The following ADGRB1 variants were observed in gnomAD, a reference collection of about 807,000 sequenced individuals.
The protein encoded by ADGRB1 is adhesion G protein-coupled receptor B1.
Under a neutral mutation model 175.7 loss-of-function variants are expected in ADGRB1, and 36 were observed. That is an observed-to-expected ratio of 0.20 (90% CI 0.16 to 0.27). ADGRB1 has a LOEUF of 0.27. Among genes scored for constraint, ADGRB1 ranks in the 10% least tolerant of loss-of-function variants. The pLI, the probability that ADGRB1 is intolerant of heterozygous loss-of-function variation, is 1.00. For synonymous variants in ADGRB1, 1,054 were observed against 979.4 expected (o/e 1.08, Z -1.42); for missense variants, 1,731 against 2,255.3 (o/e 0.77, Z 4.71).
rs945983096 is a variant in ADGRB1, at chr8:142,504,367, G to A, written c.2676-6565G>A. Among the ~76,000 whole-genome samples the A allele has an allele frequency of 6.6e-5, 10 of 152,188 alleles. No homozygotes were observed. Among genetic ancestry groups the A allele is most frequent in the African/African-American group, 2.2e-4 (9 of 41,446 alleles). On this transcript the variant is annotated intron_variant, in intron 17 of 30. Coordinates refer to ENST00000517894, the MANE Select transcript of ADGRB1 (RefSeq NM_001702.3). This position sits in a 1 kb window ranked among gnomAD's most constrained non-coding sequence, Gnocchi z 5.6. ...CCAGGGCCTGGAGGCAGCAGAGGGCGTGTGTTTGCTGGGTTACCTGCTGGG... is the reference window on the plus strand; with the variant it reads ...CCAGGGCCTGGAGGCAGCAGAGGGCATGTGTTTGCTGGGTTACCTGCTGGG...
chr8:142,452,884 G>A (rs954059997), intron 1 of ADGRB1, among the ~76,000 whole-genome samples: 1 of 149,524 alleles, frequency 6.7e-6, no homozygotes, highest in Non-Finnish European at 1.5e-5. Context: ...GGCGGAAGGC[G>A]GAGGGCCGGC....
chr8:142,503,127 A>G (rs1295697140), intron 17 of ADGRB1, among the ~76,000 whole-genome samples: 3 of 151,904 alleles, frequency 2.0e-5, no homozygotes, highest in African/African-American at 7.3e-5. Flanking sequence ...CCCAGCTCTT[A>G]GGTGAATTTG....
At chr8:142,489,607 G>A (rs182718698) in intron 16 of ADGRB1, among the ~76,000 whole-genome samples, 169 bp downstream of exon 16, 70 of 152,258 alleles carry the variant, frequency 4.6e-4, no homozygotes, top group African/African-American at 1.5e-3. Context: ...AGAGAGGTGC[G>A]GTGACTTGCC....
intron 9 of ADGRB1, among the ~76,000 whole-genome samples, chr8:142,480,623 G>A (rs1324838055): frequency 2.0e-5 from 3 of 152,200 alleles, no homozygotes; most frequent in Non-Finnish European, 4.4e-5. Flanking sequence ...TCCCAGTGCC[G>A]CTCATTTTTG....
chr8:142,519,974 GT>G (rs960306176), intron 19 of ADGRB1, among the ~76,000 whole-genome samples: 2 of 151,080 alleles, frequency 1.3e-5, no homozygotes, highest in African/African-American at 4.9e-5. Flanking sequence ...GGTAGTGGTT[GT>G]GATGGTATTG....
In ADGRB1 at chr8:142,469,588, A is replaced by C. The variant is rs35309147; in HGVS notation, c.784+4606A>C. ...ATGTGTGTGCATGTGTGCATGTGTG[A>C]ATGTGTGTGTGCACGTGCATGTGTG... On this transcript the variant is annotated intron_variant, in intron 2 of 30. Transcript: ENST00000517894. 4.5e-4 allele frequency among the ~76,000 whole-genome samples: 47 copies of C among 105,442 alleles called. 1 individual carries two copies. In the South Asian group the frequency reaches 7.0e-3, roughly 16 times the overall value. 69.2% of individuals were successfully genotyped at this position (105,442 alleles called of 152,430 possible).
intron 2 of ADGRB1, among the ~76,000 whole-genome samples, chr8:142,469,679 A>G (rs1840537024): frequency 7.2e-6 from 1 of 139,688 alleles, no homozygotes; most frequent in South Asian, 2.4e-4. Flanking sequence ...GTGCACGTGA[A>G]TGTGTGTGAA....
intron 1 of ADGRB1, among the ~76,000 whole-genome samples, chr8:142,452,019 G>T (rs549720749): frequency 6.6e-6 from 1 of 152,270 alleles, no homozygotes; most frequent in South Asian, 2.1e-4. Flanking sequence ...GCACAGTCGG[G>T]GCCTTGGAAG....
At position 142,542,164 on chromosome 8, in the gene ADGRB1, G is replaced by A; in HGVS notation, c.3930G>A (p.Lys1310=). 1 of 1,613,586 alleles carries A rather than the reference G, an allele frequency of 6.2e-7. No homozygotes were observed. Among genetic ancestry groups the A allele is most frequent in the South Asian group, 1.1e-5 (1 of 91,072 alleles). Residue 1310 remains lysine (K), a synonymous_variant, in exon 28 of 31, where the codon AAG becomes AAA. Coordinates refer to ENST00000517894, the MANE Select transcript of ADGRB1 (RefSeq NM_001702.3). The surrounding 1 kb of genome is among the most constrained non-coding windows in gnomAD (Gnocchi z 6.3). ...PDFPNHSLTL[K]RDKAPKSSFV... is the part of the protein sequence containing the mutation. ...TCCCCAACCACTCACTGACCCTCAA[G>A]AGGGACAAGGCGCCCAAGTCCTCCT...
At chr8:142,535,263 C>T (rs1844859686) in intron 25 of ADGRB1, among the ~76,000 whole-genome samples, 1 of 152,160 alleles carries the variant, frequency 6.6e-6, no homozygotes, top group Non-Finnish European at 1.5e-5. Flanking sequence ...AGCCCAGGGC[C>T]AGCTGGAGCA....
Position 142,504,890 on chromosome 8 carries a change from A to G in ADGRB1, c.2676-6042A>G, listed in dbSNP as rs1842779134. Reference sequence around the variant, plus strand: ...TCCCCCACTGCGGTGTGCTGTGCCCACTCCTGGCTTCTTTCTGTTATGTGG... The same window carrying G: ...TCCCCCACTGCGGTGTGCTGTGCCCGCTCCTGGCTTCTTTCTGTTATGTGG... On this transcript the variant is annotated intron_variant, in intron 17 of 30. Coordinates refer to ENST00000517894, the MANE Select transcript of ADGRB1 (RefSeq NM_001702.3). This position sits in a 1 kb window ranked among gnomAD's most constrained non-coding sequence, Gnocchi z 5.6. 6.6e-6 allele frequency among the ~76,000 whole-genome samples: 1 copy of G among 151,524 alleles called. No individual in the cohort carries two copies. Among genetic ancestry groups the G allele is most frequent in the Admixed American group, 6.6e-5 (1 of 15,240 alleles).
At chr8:142,513,241 G>A (rs1298943841) in intron 18 of ADGRB1, among the ~76,000 whole-genome samples, 6 of 152,208 alleles carry the variant, frequency 3.9e-5, no homozygotes, top group Non-Finnish European at 8.8e-5. Flanking sequence ...TCATCTGTGA[G>A]ATGGGAGGGC....
chr8:142,469,182 A>C (rs1484504341), intron 2 of ADGRB1, among the ~76,000 whole-genome samples: 3 of 140,876 alleles, frequency 2.1e-5, no homozygotes, highest in South Asian at 2.3e-4. Flanking sequence ...CATGTGTGTG[A>C]ATGTGTGCAC....
At chr8:142,519,540 G>A (rs1843639017) in intron 19 of ADGRB1, among the ~76,000 whole-genome samples, 2 of 152,082 alleles carry the variant, frequency 1.3e-5, no homozygotes, top group Non-Finnish European at 1.5e-5. Flanking sequence ...GGTGGGGGTG[G>A]TGCTGCTGCT....
In ADGRB1 at chr8:142,464,266, T is replaced by C; in HGVS notation, c.68T>C (p.Leu23Pro). Residue 23 changes from leucine (L) to proline (P), a missense_variant, in exon 2 of 31, where the codon CTG becomes CCG. Transcript: ENST00000517894. ...ILAPLLLLLLLLGRRARAAAG... is the reference protein window; with the variant it reads ...ILAPLLLLLLPLGRRARAAAG... ...GCCCCGCTGCTACTGCTGCTGCTGC[T>C]GCTGGGACGCCGCGCGCGGGCGGCC... The C allele has an allele frequency of 1.5e-6, 2 of 1,359,844 alleles. No individual in the cohort carries two copies. Among genetic ancestry groups the C allele is most frequent in the Non-Finnish European group, 1.9e-6 (2 of 1,065,160 alleles). 84.2% of individuals were successfully genotyped at this position (1,359,844 alleles called of 1,614,324 possible).
chr8:142,479,440 A>G lies in ADGRB1; in HGVS notation c.1679A>G (p.Gln560Arg). The G allele has an allele frequency of 6.5e-7, 1 of 1,548,932 alleles. No homozygotes were observed. Among genetic ancestry groups the G allele is most frequent in the Non-Finnish European group, 8.7e-7 (1 of 1,153,038 alleles). The change falls in exon 8 of 31, where the codon CAG (glutamine) becomes CGG (arginine). Residue 560 changes from glutamine (Q) to arginine (R), a missense_variant. This residue lies in a region of ADGRB1 where 388 missense variants were observed against 630.9 expected (regional missense o/e 0.61). Coordinates refer to ENST00000517894, the MANE Select transcript of ADGRB1 (RefSeq NM_001702.3). ...SGPFFGGAAC[Q>R]GPQDEYRQCG... ...CCCTTCTTCGGGGGAGCAGCCTGCC[A>G]GGGCCCCCAGGATGAGTACCGGCAG...
At position 142,484,732 on chromosome 8, in the gene ADGRB1, T is replaced by C; in HGVS notation, c.2276T>C (p.Leu759Pro). Residue 759 changes from leucine to proline, a missense_variant, in exon 13 of 31, where the codon CTG (leucine) becomes CCG (proline). Leu to Pro is a moderately conservative substitution (Grantham distance 98). Around this residue, in one of 8 missense-constraint regions of ADGRB1, gnomAD observed 388 missense variants for 630.9 expected, o/e 0.61. Coordinates refer to ENST00000517894, the MANE Select transcript of ADGRB1 (RefSeq NM_001702.3). Reference sequence around the variant, plus strand: ...GTCATCGGCTTCCGCATGAAGGACCTGAGGGATGCATACCAGGTGACAGAC... The same window carrying C: ...GTCATCGGCTTCCGCATGAAGGACCCGAGGGATGCATACCAGGTGACAGAC... ...VDVIGFRMKDLRDAYQVTDNL... is the reference protein window; with the variant it reads ...VDVIGFRMKDPRDAYQVTDNL... 3 of 1,611,170 alleles carry C rather than the reference T, an allele frequency of 1.9e-6. No homozygotes were observed. Among genetic ancestry groups the C allele is most frequent in the Non-Finnish European group, 2.5e-6 (3 of 1,178,892 alleles).
chr8:142,513,439 C>T (rs750401660), intron 18 of ADGRB1, among the ~76,000 whole-genome samples: 21 of 152,342 alleles, frequency 1.4e-4, no homozygotes, highest in Admixed American at 2.6e-4. Flanking sequence ...TCCTCCTCAG[C>T]AAGGGCTGGC....
chr8:142,505,173 TGC>T (rs1489112756), intron 17 of ADGRB1, among the ~76,000 whole-genome samples: 8 of 151,980 alleles, frequency 5.3e-5, no homozygotes, highest in Non-Finnish European at 2.9e-5. Context: ...CATGGACAGG[TGC>T]GGGGTGAGGA....
Sources: gnomAD v4.1 joint callset for allele counts (sites outside exome capture counted in the v4.1 genomes callset) on GRCh38, gnomAD v4.1.1 for gene constraint, gnomAD v4.1.1 regional missense constraint, Gnocchi (gnomAD v3.1) non-coding constraint, MANE v1.5 for transcripts, NCBI Gene and HGNC (gene_info 2026-07-23, HGNC 2026-07-21) for gene names.